The following BRWD1 variants were observed in gnomAD, a reference collection of about 807,000 sequenced individuals.
BRWD1 encodes the protein bromodomain and WD repeat-containing protein 1.
In BRWD1, 82 loss-of-function variants were observed where a neutral mutation model predicts 251.2. The observed-to-expected ratio is 0.33, with a 90% CI of 0.27 to 0.39. The LOEUF (loss-of-function observed/expected upper bound fraction) is 0.39, where lower values mean the gene tolerates loss of function less well. BRWD1 is among the 10% of genes least tolerant of loss of function. The pLI, the probability that BRWD1 is intolerant of heterozygous loss-of-function variation, is 1.00. For missense variants in BRWD1, 2,233 were observed against 2,711.6 expected (o/e 0.82, Z 3.92); for synonymous variants, 918 against 902.8 (o/e 1.02, Z -0.30).
At chr21:39,282,265 C>T (rs916159085) in intron 8 of BRWD1, among the ~76,000 whole-genome samples, 1 of 151,746 alleles carries the variant, frequency 6.6e-6, no homozygotes, top group Admixed American at 6.6e-5. Context: ...AACTTGCTGA[C>T]TCAAGAAACA....
chr21:39,312,713 A>C, intron 4 of BRWD1, 128 bp downstream of exon 4: 2 of 533,750 alleles, frequency 3.7e-6, no homozygotes, highest in Admixed American at 3.4e-5. Flanking sequence ...GAACGCAGCT[A>C]TCCCCGGGCC....
At chr21:39,271,471 C>T (rs1184477045) in intron 13 of BRWD1, among the ~76,000 whole-genome samples, 3 of 151,728 alleles carry the variant, frequency 2.0e-5, no homozygotes, top group South Asian at 2.1e-4. Flanking sequence ...AGGCGGATAA[C>T]GAGGTCAGGA....
chr21:39,295,856 T>C lies in BRWD1; in HGVS notation c.496A>G (p.Thr166Ala). 1 of 1,607,764 alleles carries C rather than the reference T, an allele frequency of 6.2e-7. No homozygotes were observed. The highest frequency in any genetic ancestry group is 8.5e-7 in the Non-Finnish European group (1 of 1,176,274). Residue 166 changes from threonine to alanine, a missense_variant, in exon 7 of 41, where the codon ACA (threonine) becomes GCA (alanine). Physicochemically the swap from Thr to Ala is moderately conservative, Grantham distance 58 (BLOSUM62 0). This residue lies in a region of BRWD1 where 185 missense variants were observed against 260.6 expected (regional missense o/e 0.71). Coordinates refer to ENST00000342449, the MANE Select transcript of BRWD1 (RefSeq NM_033656.4). ...TGATACATAGTTCCTGGAAATGCTG[T>C]ACTAAAAGTGGAACACCCTGTGAGT... is the stretch of plus-strand genomic sequence containing the variant. Reference protein sequence around the residue: ...KQLTGCSTFSTAFPGTMYQHI... With the variant: ...KQLTGCSTFSAAFPGTMYQHI...
chr21:39,272,090 G>C (rs973637671), intron 13 of BRWD1, among the ~76,000 whole-genome samples: 1 of 150,306 alleles, frequency 6.7e-6, no homozygotes, highest in Non-Finnish European at 1.5e-5. Flanking sequence ...ACACAGAAGA[G>C]AGAATAATTC....
Position 39,187,819 on chromosome 21 carries a change from C to T in BRWD1, c.*8440G>A, listed in dbSNP as rs770327835. Reference sequence around the variant, plus strand: ...CAGATTAAAATTCTAAAAAATAACACAGAGTTGCTTTAAGGAACCAAAAAG... The same window carrying T: ...CAGATTAAAATTCTAAAAAATAACATAGAGTTGCTTTAAGGAACCAAAAAG... On this transcript the variant is annotated 3_prime_UTR_variant, in exon 41 of 41. Transcript: ENST00000342449. The T allele has an allele frequency of 4.8e-5, 47 of 985,116 alleles. No homozygotes were observed. The highest frequency in any genetic ancestry group is 5.2e-5 in the Non-Finnish European group (43 of 829,876). 61.0% of individuals were successfully genotyped at this position (985,116 alleles called of 1,614,324 possible).
chr21:39,298,339 T>A, intron 5 of BRWD1, 93 bp downstream of exon 5: 13 of 1,399,658 alleles, frequency 9.3e-6, no homozygotes, highest in Non-Finnish European at 1.1e-5. Flanking sequence ...AGTTACATTA[T>A]CACCTTTCTT....
At chr21:39,235,530 T>G in intron 23 of BRWD1, 1 of 186,604 alleles carries the variant, frequency 5.4e-6, no homozygotes, top group South Asian at 1.3e-4. Flanking sequence ...AATCATGGAG[T>G]GATTGCTACA....
intron 38 of BRWD1, among the ~76,000 whole-genome samples, chr21:39,201,973 C>T (rs2836937): frequency 0.099 from 15,083 of 152,274 alleles, 906 homozygotes; most frequent in East Asian, 0.14. Flanking sequence ...ATGGCAACAA[C>T]ATGAACAGTT....
chr21:39,313,998 G>A (rs1441360721), upstream of BRWD1: 4 of 431,454 alleles, frequency 9.3e-6, no homozygotes, highest in Non-Finnish European at 1.9e-5. Context: ...GCCCCCCGTG[G>A]GACCTGGGTC....
chr21:39,211,056 T>C (rs2032635133), intron 34 of BRWD1, 127 bp from the exon 35 acceptor site: 1 of 968,720 alleles, frequency 1.0e-6, no homozygotes. Context: ...CAACACATTT[T>C]TCCAGAAATG....
chr21:39,314,698 G>A (rs1369881149), upstream of BRWD1: 2 of 258,270 alleles, frequency 7.7e-6, no homozygotes, highest in South Asian at 3.8e-5. Context: ...TGGAATGCGC[G>A]TTAACAATTC....
chr21:39,258,775 C>T (rs1198027383), intron 17 of BRWD1, 103 bp from the exon 18 acceptor site: 10 of 762,416 alleles, frequency 1.3e-5, no homozygotes, highest in Non-Finnish European at 1.9e-5. Context: ...TCAGAATTTC[C>T]CATTTTTGAA....
Position 39,313,261 on chromosome 21 carries a change from G to C in BRWD1, c.88C>G (p.Pro30Ala). ...FLIARYLSAG[P>A]CRRAAQVLVQ... ...CTCACCTGGGCCGCTCTCCGACACGGGCCCGCCGATAGGTACCGGGCGATA... is the reference window on the plus strand; with the variant it reads ...CTCACCTGGGCCGCTCTCCGACACGCGCCCGCCGATAGGTACCGGGCGATA... Residue 30 changes from proline to alanine, a missense_variant, in exon 2 of 41, where the codon CCG becomes GCG. By Grantham distance (27) the Pro-to-Ala change is conservative. Transcript: ENST00000342449. The C allele has an allele frequency of 6.4e-6, 10 of 1,550,716 alleles. No homozygotes were observed. The highest frequency in any genetic ancestry group is 8.7e-6 in the Non-Finnish European group (10 of 1,144,970).
intron 35 of BRWD1, 77 bp downstream of exon 35, chr21:39,210,709 A>C: frequency 6.8e-7 from 1 of 1,461,846 alleles, no homozygotes; most frequent in Non-Finnish European, 9.1e-7. Context: ...CTTTCTCTTT[A>C]AAGTTTAATA....
At chr21:39,230,011 T>C (rs2033547377) in intron 25 of BRWD1, among the ~76,000 whole-genome samples, 1 of 152,208 alleles carries the variant, frequency 6.6e-6, no homozygotes, top group Admixed American at 6.5e-5. Context: ...AGTGCTGGGA[T>C]TATAGGTGTG....
rs1404150945 is a variant in BRWD1 at position 39,194,800 on chromosome 21, A to C, written c.*1459T>G. 13 of 1,534,670 alleles carry C rather than the reference A, an allele frequency of 8.5e-6. No homozygotes were observed. Among genetic ancestry groups the C allele is most frequent in the African/African-American group, 1.4e-5 (1 of 72,966 alleles). On this transcript the variant is annotated 3_prime_UTR_variant, in exon 41 of 41. Coordinates refer to ENST00000342449, the MANE Select transcript of BRWD1 (RefSeq NM_033656.4). ...TAATAAATAACATTGTCTAATATTG[A>C]TACCAGTCTGATGCTTCACCTTATC...
rs2031613268 is a variant in BRWD1, at chr21:39,192,670, T to G, written c.*3589A>C. ...CATGAAAAGAATGGAGCTGGTTATT[T>G]CAGCTTTAAAAGGGCAAAGCAAAAA... is the stretch of plus-strand genomic sequence containing the variant. On this transcript the variant is annotated 3_prime_UTR_variant, in exon 41 of 41. Coordinates refer to ENST00000342449, the MANE Select transcript of BRWD1 (RefSeq NM_033656.4). 2.0e-6 allele frequency: 2 copies of G among 985,040 alleles called. No individual in the cohort carries two copies. Among genetic ancestry groups the G allele is most frequent in the African/African-American group, 3.5e-5 (2 of 57,196 alleles). 61.0% of individuals were successfully genotyped at this position (985,040 alleles called of 1,614,324 possible).
intron 27 of BRWD1, 127 bp from the exon 28 acceptor site, chr21:39,225,324 C>A: frequency 1.6e-6 from 1 of 623,714 alleles, no homozygotes; most frequent in Admixed American, 3.1e-5. Flanking sequence ...AGGCAAGCAG[C>A]GCTCCTAAAC....
At chr21:39,265,053 A>G (rs1568930412) in intron 15 of BRWD1, 34 bp from the exon 16 acceptor site, 3 of 1,597,770 alleles carry the variant, frequency 1.9e-6, no homozygotes, top group Non-Finnish European at 2.6e-6. Flanking sequence ...GTTAGGACCA[A>G]TTCTATGCAA....
Sources: allele counts gnomAD v4.1 joint callset (sites outside exome capture counted in the v4.1 genomes callset), GRCh38; gene constraint gnomAD v4.1.1; regional missense constraint gnomAD v4.1.1; transcripts MANE v1.5; gene names NCBI Gene and HGNC (gene_info 2026-07-23, HGNC 2026-07-21).